The following DMD variants were observed in gnomAD, a reference collection of about 807,000 sequenced individuals.
DMD encodes mutant dystrophin.
Under a neutral mutation model 330.1 loss-of-function variants are expected in DMD, and 63 were observed. The ratio of observed to expected loss-of-function variants is 0.19; its 90% CI spans 0.16 to 0.24. DMD has a LOEUF of 0.24. Ranked by LOEUF, DMD falls within the 10% of genes least tolerant of loss-of-function variation. The probability of loss-of-function intolerance (pLI) is 1.00; values close to 1 mark genes in which losing one functional copy is unlikely to be tolerated. For synonymous variants in DMD, 1,223 were observed against 959.8 expected, an observed-to-expected ratio of 1.27 and a Z score of -5.07; for missense variants, 3,344 against 2,684.1, an observed-to-expected ratio of 1.25 and a Z score of -5.43.
At chrX:33,291,325 A>G (rs1424854855) in intron 1 of DMD, among the ~76,000 whole-genome samples, 6 of 111,524 alleles carry the variant, frequency 5.4e-5, no homozygotes, top group Non-Finnish European at 1.1e-4. Context: ...AGCTGGAAGC[A>G]TTCACTTTGA....
chrX:31,628,915 CATATATATAT>C (rs10524146), intron 54 of DMD, among the ~76,000 whole-genome samples: 3 of 82,761 alleles, frequency 3.6e-5, no homozygotes, highest in South Asian at 1.2e-3. Context: ...TATTTTTGAT[CATATATATAT>C]ATATATATAT....
intron 52 of DMD, among the ~76,000 whole-genome samples, chrX:31,720,199 C>G (rs1429363420): frequency 8.9e-6 from 1 of 111,849 alleles, no homozygotes; most frequent in Non-Finnish European, 1.9e-5. Flanking sequence ...AAGACAAGTA[C>G]AACAGAATAA....
At chrX:31,237,647 C>G (rs1266119705) in intron 63 of DMD, among the ~76,000 whole-genome samples, 1 of 112,249 alleles carries the variant, frequency 8.9e-6, no homozygotes, top group African/African-American at 3.2e-5. Context: ...TCCTGTTTAC[C>G]CTCTGTGTAT....
chrX:31,642,638 A>G (rs1161262394), intron 54 of DMD, among the ~76,000 whole-genome samples: 1 of 110,055 alleles, frequency 9.1e-6, no homozygotes, highest in East Asian at 2.8e-4. Context: ...ACAGAAGCAT[A>G]GTTATCATTT....
At chrX:31,866,706 A>G (rs1349235720) in intron 48 of DMD, among the ~76,000 whole-genome samples, 1 of 112,255 alleles carries the variant, frequency 8.9e-6, no homozygotes, top group African/African-American at 3.2e-5. Context: ...TTCCAGAAAC[A>G]TTAGGGGTAA....
intron 7 of DMD, among the ~76,000 whole-genome samples, chrX:32,787,216 G>GTC (rs1491043168): frequency 3.2e-5 from 1 of 31,680 alleles, no homozygotes; most frequent in Admixed American, 3.5e-4. Context: ...TCTGTCAAGT[G>GTC]TGTGTGTGTG....
intron 50 of DMD, among the ~76,000 whole-genome samples, chrX:31,812,523 A>T (rs1295592563): frequency 9.1e-6 from 1 of 110,137 alleles, no homozygotes; most frequent in Admixed American, 9.7e-5. Context: ...TATATGTAAC[A>T]GACCTGCACA....
At chrX:33,176,465 T>TA (rs1447954123) in intron 1 of DMD, among the ~76,000 whole-genome samples, 1 of 106,829 alleles carries the variant, frequency 9.4e-6, no homozygotes, top group East Asian at 2.9e-4. Context: ...TATTGTCAAC[T>TA]AAAAAATAAA....
In DMD at chrX:31,121,383, T is replaced by TATCA. The variant is rs2032483308; in HGVS notation, c.*532_*535dup. 1 of 117,544 alleles carries TATCA rather than the reference T, an allele frequency of 8.5e-6. No individual in the cohort carries two copies. Among genetic ancestry groups the TATCA allele is most frequent in the Non-Finnish European group, 1.7e-5 (1 of 57,322 alleles). 9.7% of individuals were successfully genotyped at this position (117,544 alleles called of 1,213,427 possible). On this transcript the variant is annotated 3_prime_UTR_variant, in exon 79 of 79. Transcript: ENST00000357033. The stretch of plus-strand genomic sequence containing the variant: ...GAAAAAGCCATGAATTTCATATGGA[T>TATCA]ATCACGCCAAAAGGATGCAAAACAA...
chrX:32,648,206 G>C (rs1013225550), intron 9 of DMD, among the ~76,000 whole-genome samples: 10 of 111,635 alleles, frequency 9.0e-5, no homozygotes, highest in African/African-American at 3.3e-4. Flanking sequence ...TTTTGTCTGA[G>C]GATGTGCATA....
intron 29 of DMD, among the ~76,000 whole-genome samples, chrX:32,430,589 T>C (rs1343662311): frequency 8.9e-6 from 1 of 111,915 alleles, no homozygotes. Context: ...ATAAGGTCTA[T>C]CCTCTTAGCA....
chrX:32,833,796 T>C (rs192834429), intron 4 of DMD, among the ~76,000 whole-genome samples: 2 of 109,537 alleles, frequency 1.8e-5, no homozygotes, highest in African/African-American at 6.6e-5. Flanking sequence ...AGTTATATAA[T>C]TATTATCCCA....
At chrX:31,840,596 T>C in intron 48 of DMD, among the ~76,000 whole-genome samples, 1 of 98,165 alleles carries the variant, frequency 1.0e-5, no homozygotes, top group East Asian at 3.5e-4. Context: ...GTAGCAACCC[T>C]GCATCAAGCA....
intron 7 of DMD, among the ~76,000 whole-genome samples, chrX:32,783,159 G>T (rs187229770): frequency 1.1e-5 from 1 of 92,196 alleles, no homozygotes; most frequent in African/African-American, 3.8e-5. Context: ...CATATATATA[G>T]ATATATGGCA....
At chrX:33,100,006 C>T (rs774879547) in intron 1 of DMD, among the ~76,000 whole-genome samples, 3 of 111,641 alleles carry the variant, frequency 2.7e-5, no homozygotes, top group Non-Finnish European at 3.8e-5. Context: ...AGCTCTGACA[C>T]GCAACATAAG....
At chrX:32,013,133 C>T (rs1188593794) in intron 44 of DMD, among the ~76,000 whole-genome samples, 1 of 72,443 alleles carries the variant, frequency 1.4e-5, no homozygotes, top group African/African-American at 6.2e-5. Flanking sequence ...GTTGCCCAGG[C>T]TGGAGTGCAA....
intron 63 of DMD, among the ~76,000 whole-genome samples, chrX:31,232,626 TG>T (rs2047325322): frequency 2.7e-5 from 3 of 111,659 alleles, no homozygotes; most frequent in African/African-American, 9.8e-5. Context: ...GACTGAAATG[TG>T]GCTGAAAATA....
intron 48 of DMD, among the ~76,000 whole-genome samples, chrX:31,842,246 T>C (rs2093331804): frequency 1.8e-5 from 2 of 111,996 alleles, no homozygotes; most frequent in Middle Eastern, 4.2e-3. Flanking sequence ...TGTAACTGAA[T>C]GGCCGTCATC....
intron 7 of DMD, among the ~76,000 whole-genome samples, chrX:32,787,516 C>G (rs2075487800): frequency 9.0e-6 from 1 of 110,727 alleles, no homozygotes; most frequent in African/African-American, 3.3e-5. Flanking sequence ...CCAAGACCTA[C>G]AGCAGATGTC....
Sources: gnomAD v4.1 joint callset for allele counts (sites outside exome capture counted in the v4.1 genomes callset) on GRCh38, gnomAD v4.1.1 for gene constraint, MANE v1.5 for transcripts, NCBI Gene and HGNC (gene_info 2026-07-23, HGNC 2026-07-21) for gene names.